DLG2: variants seen among roughly 807,000 people sequenced by gnomAD.
DLG2 encodes discs large MAGUK scaffold protein 2.
In DLG2, 45 loss-of-function variants were observed where a neutral mutation model predicts 132.5. That is an observed-to-expected ratio of 0.34 (90% CI 0.27 to 0.44). The LOEUF is 0.44. Among genes scored for constraint, DLG2 ranks in the 20% least tolerant of loss-of-function variants. The pLI is 1.00. For synonymous variants in DLG2, 424 were observed against 419.6 expected (o/e 1.01, Z -0.13); for missense variants, 1,045 against 1,196.9 (o/e 0.87, Z 1.87).
chr11:84,960,099 G>A (rs1283916410), intron 6 of DLG2, among the ~76,000 whole-genome samples: 1 of 152,164 alleles, frequency 6.6e-6, no homozygotes, highest in Non-Finnish European at 1.5e-5. Flanking sequence ...AACAGATGAA[G>A]ACACTAAACT....
chr11:84,716,609 A>G (rs1596391721), intron 6 of DLG2, among the ~76,000 whole-genome samples: 1 of 151,852 alleles, frequency 6.6e-6, no homozygotes, highest in East Asian at 1.9e-4. Flanking sequence ...AAAAACTACT[A>G]TGACAAAGAA....
intron 3 of DLG2, among the ~76,000 whole-genome samples, chr11:85,378,741 A>T (rs1461668893): frequency 6.6e-6 from 1 of 152,180 alleles, no homozygotes; most frequent in African/African-American, 2.4e-5. Flanking sequence ...AATACATGCC[A>T]TTAAAATATT....
At position 83,980,651 on chromosome 11, in the gene DLG2, A is replaced by T; in HGVS notation, c.920-9T>A. 6.4e-7 allele frequency: 1 copy of T among 1,560,436 alleles called. No homozygotes were observed. Among genetic ancestry groups the T allele is most frequent in the South Asian group, 1.2e-5 (1 of 81,968 alleles). ...AATACTGAAGCCTAAACCTATAAGA[A>T]AGGAACAGAAAATGGAAAGCCTTGT... is the stretch of plus-strand genomic sequence containing the variant. On this transcript the variant is annotated splice_polypyrimidine_tract_variant and intron_variant, in intron 11 of 27. Coordinates refer to ENST00000376104, the MANE Select transcript of DLG2 (RefSeq NM_001142699.3).
At chr11:84,529,128 A>T (rs1029650886) in intron 7 of DLG2, among the ~76,000 whole-genome samples, 8 of 152,194 alleles carry the variant, frequency 5.3e-5, no homozygotes, top group Non-Finnish European at 1.0e-4. Context: ...GGAGAGATAC[A>T]CAGAGTGTCT....
intron 7 of DLG2, among the ~76,000 whole-genome samples, chr11:84,445,712 C>A (rs1055735615): frequency 6.6e-6 from 1 of 151,568 alleles, no homozygotes; most frequent in Non-Finnish European, 1.5e-5. Context: ...CTCAGGAGAT[C>A]GAGACCATCC....
chr11:83,702,369 T>C (rs2083112173), intron 18 of DLG2, among the ~76,000 whole-genome samples: 1 of 152,222 alleles, frequency 6.6e-6, no homozygotes, highest in African/African-American at 2.4e-5. Flanking sequence ...AATTTCCTTA[T>C]CTACAAAAAG....
At chr11:83,983,004 G>A (rs1389567846) in intron 11 of DLG2, among the ~76,000 whole-genome samples, 1 of 152,078 alleles carries the variant, frequency 6.6e-6, no homozygotes, top group South Asian at 2.1e-4. Flanking sequence ...TTCTATTTCA[G>A]TTTGCTAAGT....
At chr11:85,501,611 T>G (rs970264514) in intron 3 of DLG2, among the ~76,000 whole-genome samples, 35 of 152,224 alleles carry the variant, frequency 2.3e-4, no homozygotes, top group African/African-American at 8.2e-4. Context: ...GGGCAAAGGA[T>G]ATGAACAAAC....
intron 14 of DLG2, among the ~76,000 whole-genome samples, chr11:83,956,318 C>T (rs1240824754): frequency 5.9e-5 from 9 of 152,202 alleles, no homozygotes. Flanking sequence ...GGGCAGCCGC[C>T]CCACACCATG....
intron 6 of DLG2, among the ~76,000 whole-genome samples, chr11:84,980,485 T>C (rs1028403254): frequency 6.6e-6 from 1 of 152,118 alleles, no homozygotes; most frequent in African/African-American, 2.4e-5. Context: ...ATCACTGCCA[T>C]TCACTTACCC....
intron 3 of DLG2, among the ~76,000 whole-genome samples, chr11:85,300,203 A>T (rs2079501549): frequency 6.6e-6 from 1 of 152,218 alleles, no homozygotes; most frequent in African/African-American, 2.4e-5. Context: ...ACTTCCAATT[A>T]TCTTCATGGG....
In DLG2 at chr11:85,571,516, C is replaced by T. The variant is rs554441925; in HGVS notation, c.40+27141G>A. ...CTCATGCAAGCAGTTACAACTCTGC[C>T]TTAGCCTTCATATTCTGATTCTGCA... On this transcript the variant is annotated intron_variant, in intron 3 of 27. Coordinates refer to ENST00000376104, the MANE Select transcript of DLG2 (RefSeq NM_001142699.3). 7.9e-5 allele frequency among the ~76,000 whole-genome samples: 12 copies of T among 152,272 alleles called. No homozygotes were observed. The South Asian group carries it at 2.5e-3, about 32-fold the overall frequency.
chr11:84,404,936 T>C (rs2098843461), intron 7 of DLG2, among the ~76,000 whole-genome samples: 1 of 152,210 alleles, frequency 6.6e-6, no homozygotes, highest in African/African-American at 2.4e-5. Flanking sequence ...CTAGTGTTTA[T>C]TGACTGTTGA....
At chr11:85,577,286 C>T (rs1437786634) in intron 3 of DLG2, among the ~76,000 whole-genome samples, 1 of 152,046 alleles carries the variant, frequency 6.6e-6, no homozygotes, top group African/African-American at 2.4e-5. Context: ...ACTATAGTTG[C>T]TCAGGACAGT....
chr11:84,968,182 T>C lies in DLG2; in HGVS notation c.357+143479A>G, dbSNP rs193190283. Reference sequence around the variant, plus strand: ...ATGTAGTTAAATACAAAGCAGTCATTAAAATCATTTTTAGAATAAAATTAT... The same window carrying C: ...ATGTAGTTAAATACAAAGCAGTCATCAAAATCATTTTTAGAATAAAATTAT... On this transcript the variant is annotated intron_variant, in intron 6 of 27. Coordinates refer to ENST00000376104, the MANE Select transcript of DLG2 (RefSeq NM_001142699.3). 1.8e-4 allele frequency among the ~76,000 whole-genome samples: 28 copies of C among 152,296 alleles called. No homozygotes were observed. In the East Asian group the frequency reaches 5.2e-3, roughly 28 times the overall value.
chr11:85,430,199 G>A (rs2153011099), intron 3 of DLG2, among the ~76,000 whole-genome samples: 1 of 145,776 alleles, frequency 6.9e-6, no homozygotes, highest in East Asian at 2.0e-4. Context: ...TCACACTCTG[G>A]GGCCTGTTGT....
chr11:83,484,246 C>A lies in DLG2; in HGVS notation c.2194-18G>T. 6.3e-7 allele frequency: 1 copy of A among 1,584,410 alleles called. No homozygotes were observed. On this transcript the variant is annotated intron_variant, in intron 21 of 27. Transcript: ENST00000376104. ...TTGAATGACTGTGAAGGAGAAAAGG[C>A]ATGGGGCAAAAACAGGGGACGTCTA... is the stretch of plus-strand genomic sequence containing the variant.
chr11:85,503,089 T>C (rs994970469), intron 3 of DLG2, among the ~76,000 whole-genome samples: 1 of 152,134 alleles, frequency 6.6e-6, no homozygotes, highest in African/African-American at 2.4e-5. Context: ...CATAAAGTAT[T>C]ATTCAATTTA....
chr11:83,990,265 G>A (rs1367100974), intron 11 of DLG2, among the ~76,000 whole-genome samples: 1 of 152,068 alleles, frequency 6.6e-6, no homozygotes, highest in Non-Finnish European at 1.5e-5. Context: ...ATCACTTGAC[G>A]CACATACAGA....
Sources: allele counts gnomAD v4.1 joint callset (sites outside exome capture counted in the v4.1 genomes callset), GRCh38; gene constraint gnomAD v4.1.1; transcripts MANE v1.5; gene names NCBI Gene and HGNC (gene_info 2026-07-23, HGNC 2026-07-21).